Variants in IL1RAPL1 observed in about 807,000 individuals in gnomAD.
The protein encoded by IL1RAPL1 is interleukin-1 receptor accessory protein-like 1.
IL1RAPL1 carries 3 observed loss-of-function variants against 48.4 expected under a neutral mutation model. The observed-to-expected ratio is 0.06, with a 90% CI of 0.03 to 0.16. The LOEUF (loss-of-function observed/expected upper bound fraction) is 0.16. IL1RAPL1 is among the 10% of genes least tolerant of loss of function. The probability of loss-of-function intolerance (pLI) is 1.00; values close to 1 mark genes in which losing one functional copy is unlikely to be tolerated. For synonymous variants in IL1RAPL1, 185 were observed against 187.7 expected (o/e 0.99, Z 0.12); for missense variants, 349 against 530.6 (o/e 0.66, Z 3.36).
chrX:28,884,305 C>G (rs1922578132), intron 2 of IL1RAPL1, among the ~76,000 whole-genome samples: 1 of 111,350 alleles, frequency 9.0e-6, no homozygotes, highest in African/African-American at 3.3e-5. Context: ...ATAAAAATGC[C>G]TGGGATCAAC....
In IL1RAPL1 at chrX:29,791,729, T is replaced by C. The variant is rs763824815; in HGVS notation, c.778+123225T>C. Among the ~76,000 whole-genome samples, 247 of 99,372 alleles carry C rather than the reference T, an allele frequency of 2.5e-3. 2 individuals are homozygous for C. Among genetic ancestry groups the C allele is most frequent in the African/African-American group, 7.9e-3 (213 of 27,101 alleles). 86.3% of individuals were successfully genotyped at this position (99,372 alleles called of 115,157 possible). On this transcript the variant is annotated intron_variant, in intron 6 of 10. Transcript: ENST00000378993. Reference sequence around the variant, plus strand: ...GTGAGCCACCATGCCCAGCCTTCTTTTTTTTTTTTTTTTTTCTTTTGAGGT... The same window carrying C: ...GTGAGCCACCATGCCCAGCCTTCTTCTTTTTTTTTTTTTTTCTTTTGAGGT...
chrX:29,335,264 A>G (rs111660909), intron 3 of IL1RAPL1, among the ~76,000 whole-genome samples: 1,366 of 22,609 alleles, frequency 0.06, 19 homozygotes, highest in Non-Finnish European at 0.077. Flanking sequence ...AGGGAGACGG[A>G]GACGGAGACG....
At chrX:29,049,419 A>G (rs1438037802) in intron 2 of IL1RAPL1, among the ~76,000 whole-genome samples, 1 of 112,466 alleles carries the variant, frequency 8.9e-6, no homozygotes, top group East Asian at 2.8e-4. Flanking sequence ...AGGCAAAGAG[A>G]ATATGACTAC....
intron 6 of IL1RAPL1, among the ~76,000 whole-genome samples, chrX:29,770,198 A>C (rs1277047446): frequency 8.9e-6 from 1 of 112,385 alleles, no homozygotes; most frequent in Non-Finnish European, 1.9e-5. Flanking sequence ...TGATGGAAGC[A>C]TGTAGCATTT....
intron 5 of IL1RAPL1, among the ~76,000 whole-genome samples, chrX:29,594,126 G>A (rs1170629795): frequency 8.9e-6 from 1 of 112,562 alleles, no homozygotes; most frequent in Non-Finnish European, 1.9e-5. Flanking sequence ...TCTAATGACT[G>A]TTGAGTGAAA....
chrX:29,385,692 T>A (rs1010603153), intron 3 of IL1RAPL1, among the ~76,000 whole-genome samples: 1 of 112,791 alleles, frequency 8.9e-6, no homozygotes, highest in Non-Finnish European at 1.9e-5. Flanking sequence ...GTCATTGCTT[T>A]TTAAGTCTGA....
intron 5 of IL1RAPL1, among the ~76,000 whole-genome samples, chrX:29,404,917 G>T (rs940930511): frequency 9.0e-6 from 1 of 110,711 alleles, no homozygotes; most frequent in African/African-American, 3.3e-5. Context: ...TTGTTTGTTT[G>T]TTTTGTTTTG....
At position 29,777,114 on chromosome X, in the gene IL1RAPL1, C is replaced by G. The variant is rs79136457; in HGVS notation, c.778+108610C>G. Among the ~76,000 whole-genome samples the G allele has an allele frequency of 8.5e-4, 95 of 112,199 alleles. 1 individual carries two copies. The East Asian group carries it at 0.019, about 22-fold the overall frequency. The stretch of plus-strand genomic sequence containing the variant: ...TGTCAATCTTGCAATGAGGAGCTAT[C>G]GGATTTTCAACCTTTACATTCAAGC... On this transcript the variant is annotated intron_variant, in intron 6 of 10. Transcript: ENST00000378993.
At chrX:28,671,154 T>C (rs1319183010) in intron 1 of IL1RAPL1, among the ~76,000 whole-genome samples, 1 of 111,919 alleles carries the variant, frequency 8.9e-6, no homozygotes, top group African/African-American at 3.2e-5. Flanking sequence ...GAAATTGTAA[T>C]GAAAACTTAA....
At chrX:28,916,992 G>A (rs777033008) in intron 2 of IL1RAPL1, among the ~76,000 whole-genome samples, 1 of 112,070 alleles carries the variant, frequency 8.9e-6, no homozygotes, top group East Asian at 2.8e-4. Context: ...GAATCACAGA[G>A]TATAATTGTG....
At chrX:29,717,866 C>T (rs936102279) in intron 6 of IL1RAPL1, among the ~76,000 whole-genome samples, 3 of 112,068 alleles carry the variant, frequency 2.7e-5, no homozygotes, top group African/African-American at 9.7e-5. Flanking sequence ...GAGTGCCTTT[C>T]AACCAACAGC....
In IL1RAPL1 at chrX:29,184,438, G is replaced by T. The variant is rs959970611; in HGVS notation, c.83-98500G>T. Among the ~76,000 whole-genome samples, 31 of 111,913 alleles carry T rather than the reference G, an allele frequency of 2.8e-4. 2 individuals are homozygous for T. ...CCAGCCAAGGTTTGTTTTCTTCAAC[G>T]CATCACTTAACATGCCCCTGTAGAA... On this transcript the variant is annotated intron_variant, in intron 2 of 10. Transcript: ENST00000378993.
chrX:28,644,949 T>C (rs1322186611), intron 1 of IL1RAPL1, among the ~76,000 whole-genome samples: 1 of 111,287 alleles, frequency 9.0e-6, no homozygotes, highest in East Asian at 2.8e-4. Flanking sequence ...GGCTATGTAG[T>C]AATTAAAGGC....
intron 8 of IL1RAPL1, among the ~76,000 whole-genome samples, chrX:29,940,163 T>C (rs1432836988): frequency 9.0e-6 from 1 of 111,249 alleles, no homozygotes; most frequent in African/African-American, 3.3e-5. Flanking sequence ...GTGCCCAGTC[T>C]GAGGACTTTT....
At chrX:29,039,913 A>AAAC (rs769430467) in intron 2 of IL1RAPL1, among the ~76,000 whole-genome samples, 1 of 110,821 alleles carries the variant, frequency 9.0e-6, no homozygotes, top group Non-Finnish European at 1.9e-5. Context: ...CCCTATATGC[A>AAAC]AACAACAACA....
chrX:29,650,732 T>C (rs750330459), intron 5 of IL1RAPL1, among the ~76,000 whole-genome samples: 1 of 110,425 alleles, frequency 9.1e-6, no homozygotes, highest in East Asian at 2.8e-4. Flanking sequence ...TTTTTGGATG[T>C]GACTTCAAAA....
At chrX:28,669,183 G>T (rs1448942523) in intron 1 of IL1RAPL1, among the ~76,000 whole-genome samples, 1 of 111,240 alleles carries the variant, frequency 9.0e-6, no homozygotes, top group Non-Finnish European at 1.9e-5. Context: ...TGTCTCTTAG[G>T]TGCTACTTTA....
chrX:29,572,596 T>A (rs1037130677), intron 5 of IL1RAPL1, among the ~76,000 whole-genome samples: 1 of 112,433 alleles, frequency 8.9e-6, no homozygotes, highest in African/African-American at 3.2e-5. Flanking sequence ...TTTTCCAGCA[T>A]CTTCTAGATT....
intron 2 of IL1RAPL1, among the ~76,000 whole-genome samples, chrX:28,947,667 A>C (rs900512229): frequency 1.8e-5 from 2 of 111,739 alleles, no homozygotes; most frequent in South Asian, 3.7e-4. Context: ...GTATGTAACA[A>C]ACCTGCACGT....
Sources: gnomAD v4.1 joint callset for allele counts (sites outside exome capture counted in the v4.1 genomes callset) on GRCh38, gnomAD v4.1.1 for gene constraint, MANE v1.5 for transcripts, NCBI Gene and HGNC (gene_info 2026-07-23, HGNC 2026-07-21) for gene names.